The following CLCNKA variants were observed in gnomAD, a reference collection of about 807,000 sequenced individuals.
The protein encoded by CLCNKA is chloride channel protein ClC-Ka.
Under a neutral mutation model 83.3 loss-of-function variants are expected in CLCNKA, and 66 were observed. The ratio of observed to expected loss-of-function variants is 0.79; its 90% CI spans 0.65 to 0.97. CLCNKA has a LOEUF of 0.97. Ranked by LOEUF, CLCNKA falls within the 50% of genes least tolerant of loss-of-function variation. CLCNKA has a pLI of 0.00. For missense variants in CLCNKA, 806 were observed against 888.7 expected, an observed-to-expected ratio of 0.91 and a Z score of 1.18; for synonymous variants, 357 against 370.4, an observed-to-expected ratio of 0.96 and a Z score of 0.42.
intron 5 of CLCNKA, 101 bp downstream of exon 5, chr1:16,026,348 C>T (rs2022346568): frequency 6.6e-7 from 1 of 1,518,446 alleles, no homozygotes. Flanking sequence ...AGACTCAGGC[C>T]AGTGCCTGCC....
rs1169140070 is a variant in CLCNKA at position 16,032,344 on chromosome 1, G to T, written c.1845+53G>T. On this transcript the variant is annotated intron_variant, in intron 17 of 19. Coordinates refer to ENST00000331433, the MANE Select transcript of CLCNKA (RefSeq NM_004070.4). ...GGGGCGGGGGTGGGTCAGCAGGGAT[G>T]GGAGGGGAGGGACCCGCTGATCTCC... is the stretch of plus-strand genomic sequence containing the variant. 10 of 1,517,992 alleles carry T rather than the reference G, an allele frequency of 6.6e-6. No homozygotes were observed. In the South Asian group the frequency reaches 1.1e-4, roughly 17 times the overall value. 94.0% of individuals were successfully genotyped at this position (1,517,992 alleles called of 1,614,324 possible). A position where few individuals can be genotyped will look rare whatever the true frequency, so the allele number is the denominator to read the frequency against.
chr1:16,029,431 C>T (rs772172432), intron 12 of CLCNKA, 132 bp downstream of exon 12: 13 of 1,389,858 alleles, frequency 9.4e-6, no homozygotes, highest in East Asian at 2.4e-5. Context: ...GCCCCCTGCC[C>T]ACTGCATGGT....
At chr1:16,023,566 G>A (rs2022224573) in intron 2 of CLCNKA, among the ~76,000 whole-genome samples, 1 of 152,184 alleles carries the variant, frequency 6.6e-6, no homozygotes, top group Non-Finnish European at 1.5e-5. Flanking sequence ...CTCACTCAGT[G>A]GTGGCCTGAG....
At chr1:16,028,157 G>A (rs766854851) in intron 10 of CLCNKA, 38 bp downstream of exon 10, 1 of 1,583,260 alleles carries the variant, frequency 6.3e-7, no homozygotes, top group Non-Finnish European at 8.7e-7. Context: ...ATCTCAGTGA[G>A]TCCCTTGTGG....
At chr1:16,029,900 T>C (rs2022546506) in intron 13 of CLCNKA, 65 bp from the exon 14 acceptor site, 1 of 1,600,706 alleles carries the variant, frequency 6.2e-7, no homozygotes, top group Non-Finnish European at 8.6e-7. Flanking sequence ...AGGATGGTCC[T>C]CAGGGATGGA....
chr1:16,023,375 C>T (rs2022217352), intron 2 of CLCNKA, among the ~76,000 whole-genome samples: 1 of 152,194 alleles, frequency 6.6e-6, no homozygotes, highest in African/African-American at 2.4e-5. Context: ...AGCTGCCAGC[C>T]CCCTTCACAC....
At position 16,026,521 on chromosome 1, in the gene CLCNKA, C is replaced by A. The variant is rs567139740; in HGVS notation, c.499-15C>A. The A allele has an allele frequency of 1.9e-6, 3 of 1,613,848 alleles. No homozygotes were observed. In the Admixed American group the frequency reaches 5.0e-5, roughly 27 times the overall value. On this transcript the variant is annotated splice_polypyrimidine_tract_variant and intron_variant, in intron 5 of 19. Transcript: ENST00000331433. Reference sequence around the variant, plus strand: ...TCTCTGCTGCCCTCACCTGGGCCCACCCTTCCCTCTGCAGGGCCCTTTCGT... The same window carrying A: ...TCTCTGCTGCCCTCACCTGGGCCCAACCTTCCCTCTGCAGGGCCCTTTCGT...
intron 13 of CLCNKA, 44 bp downstream of exon 13, chr1:16,029,844 G>A (rs759947775): frequency 6.9e-5 from 111 of 1,612,646 alleles, no homozygotes; most frequent in Middle Eastern, 3.3e-4. Context: ...GGGGTTCTTG[G>A]GGCAGGGCCA....
At chr1:16,031,034 C>T (rs560778653) in intron 15 of CLCNKA, among the ~76,000 whole-genome samples, 8 of 152,218 alleles carry the variant, frequency 5.3e-5, no homozygotes, top group African/African-American at 1.9e-4. Flanking sequence ...CCCCTCTCCC[C>T]ACTCCTGCTG....
chr1:16,026,759 T>C lies in CLCNKA; in HGVS notation c.639T>C (p.Phe213=). ...AAAAVGVATV[F]AAPFSGVLFS... is the part of the protein sequence containing the mutation. ...CGGCAGTGGGCGTGGCCACAGTCTTTGCAGCTCCCTTCAGCGGTGAGACCC... is the reference window on the plus strand; with the variant it reads ...CGGCAGTGGGCGTGGCCACAGTCTTCGCAGCTCCCTTCAGCGGTGAGACCC... The change falls in exon 7 of 20, where the codon TTT becomes TTC. Residue 213 remains phenylalanine, a synonymous_variant. Transcript: ENST00000331433. 2 of 1,613,542 alleles carry C rather than the reference T, an allele frequency of 1.2e-6. No homozygotes were observed. The highest frequency in any genetic ancestry group is 1.7e-6 in the Non-Finnish European group (2 of 1,179,818).
intron 7 of CLCNKA, 118 bp from the exon 8 acceptor site, chr1:16,027,192 G>C (rs2022395548): frequency 6.8e-7 from 1 of 1,466,534 alleles, no homozygotes; most frequent in South Asian, 1.1e-5. Flanking sequence ...GTCTGTCCCT[G>C]TCCGGGCTGT....
At chr1:16,023,423 T>C (rs1162507045) in intron 2 of CLCNKA, among the ~76,000 whole-genome samples, 1 of 151,916 alleles carries the variant, frequency 6.6e-6, no homozygotes, top group Non-Finnish European at 1.5e-5. Context: ...CAGGCACGGG[T>C]GGGGAGAGTG....
intron 4 of CLCNKA, among the ~76,000 whole-genome samples, chr1:16,025,259 C>T (rs1169370436): frequency 6.6e-6 from 1 of 152,208 alleles, no homozygotes; most frequent in African/African-American, 2.4e-5. Flanking sequence ...GCTCCCCCAT[C>T]CTGACACAGC....
At chr1:16,033,548 T>TGGTGGGG in intron 19 of CLCNKA, 63 bp from the exon 20 acceptor site, 2 of 1,121,884 alleles carry the variant, frequency 1.8e-6, no homozygotes, top group Non-Finnish European at 2.7e-6. Context: ...CTAAAAATGC[T>TGGTGGGG]GGAGCCCCCC....
rs61771056 is a variant in CLCNKA, at chr1:16,022,841, C to T, written c.100+122C>T. On this transcript the variant is annotated intron_variant, in intron 2 of 19. Transcript: ENST00000331433. ...CTGTCATTTGTCCAGGACATGACTG[C>T]CCAAAGTCTCCTGGGTGGCAGGGAG... is the stretch of plus-strand genomic sequence containing the variant. The T allele has an allele frequency of 0.12, 79,167 of 665,266 alleles. 5,611 individuals are homozygous for T. The highest frequency in any genetic ancestry group is 0.24 in the East Asian group (7,999 of 33,308). 41.2% of individuals were successfully genotyped at this position (665,266 alleles called of 1,614,324 possible). A position where few individuals can be genotyped will look rare whatever the true frequency, so the allele number is the denominator to read the frequency against.
Position 16,026,551 on chromosome 1 carries a change from C to G in CLCNKA, c.514C>G (p.Leu172Val). The G allele has an allele frequency of 6.2e-7, 1 of 1,614,066 alleles. No homozygotes were observed. Among genetic ancestry groups the G allele is most frequent in the Non-Finnish European group, 8.5e-7 (1 of 1,180,030 alleles). ...CCCTCTGCAGGGCCCTTTCGTGCAC[C>G]TGTCTGTAATGATCGCTGCCTACCT... ...FLGKVGPFVH[L>V]SVMIAAYLGR... The change falls in exon 6 of 20, where the codon CTG becomes GTG. Residue 172 changes from leucine to valine, a missense_variant. By Grantham distance (32) the Leu-to-Val change is conservative (BLOSUM62 1). Coordinates refer to ENST00000331433, the MANE Select transcript of CLCNKA (RefSeq NM_004070.4).
chr1:16,026,588 G>A lies in CLCNKA; in HGVS notation c.551G>A (p.Arg184His). 1 of 1,614,038 alleles carries A rather than the reference G, an allele frequency of 6.2e-7. No individual in the cohort carries two copies. The stretch of plus-strand genomic sequence containing the variant: ...ATCGCTGCCTACCTGGGCCGTGTGC[G>A]CACCACGACCATCGGGGAGCCTGAG... ...VMIAAYLGRV[R>H]TTTIGEPENK... The change falls in exon 6 of 20, where the codon CGC becomes CAC. Residue 184 changes from arginine (R) to histidine (H), a missense_variant. By Grantham distance (29) the Arg-to-His change is conservative. Coordinates refer to ENST00000331433, the MANE Select transcript of CLCNKA (RefSeq NM_004070.4).
At chr1:16,023,092 C>T (rs2022205136) in intron 2 of CLCNKA, among the ~76,000 whole-genome samples, 1 of 152,322 alleles carries the variant, frequency 6.6e-6, no homozygotes, top group East Asian at 1.9e-4. Flanking sequence ...TCCTTGGAGC[C>T]CCATGTGCCT....
intron 15 of CLCNKA, 149 bp from the exon 16 acceptor site, chr1:16,031,561 G>A: frequency 9.0e-7 from 1 of 1,111,964 alleles, no homozygotes; most frequent in Non-Finnish European, 1.3e-6. Context: ...TGGGTTCTAG[G>A]AGTCCCTCAT....
Sources: allele counts gnomAD v4.1 joint callset (sites outside exome capture counted in the v4.1 genomes callset), GRCh38; gene constraint gnomAD v4.1.1; transcripts MANE v1.5; gene names NCBI Gene and HGNC (gene_info 2026-07-23, HGNC 2026-07-21).